ATRN: variants seen among roughly 807,000 people sequenced by gnomAD.
ATRN encodes attractin-2.
In ATRN, 54 loss-of-function variants were observed where a neutral mutation model predicts 178.7. The observed-to-expected ratio is 0.30, with a 90% CI of 0.24 to 0.38. The LOEUF is 0.38. Ranked by LOEUF, ATRN falls within the 10% of genes least tolerant of loss-of-function variation. The pLI is 1.00. For synonymous variants in ATRN, 636 were observed against 663.0 expected, an observed-to-expected ratio of 0.96 and a Z score of 0.63; for missense variants, 1,443 against 1,815.1, an observed-to-expected ratio of 0.79 and a Z score of 3.73.
In ATRN at chr20:3,489,785, T is replaced by A. The variant is rs941646492; in HGVS notation, c.410+18268T>A. On this transcript the variant is annotated intron_variant, in intron 1 of 28. Transcript: ENST00000262919. ...AGTGTCACTGGAAGGCTTTGCGCCC[T>A]TGGTAGGTGTAGTTTCCACAAATCT... The A allele has an allele frequency of 3.0e-6, 4 of 1,320,148 alleles. No homozygotes were observed. The African/African-American group carries it at 4.3e-5, about 14-fold the overall frequency. 81.8% of individuals were successfully genotyped at this position (1,320,148 alleles called of 1,614,324 possible). A position where few individuals can be genotyped will look rare whatever the true frequency, so the allele number is the denominator to read the frequency against.
chr20:3,584,078 G>GCC lies in ATRN; in HGVS notation c.2949_2950dup (p.Glu985LeufsTer34), dbSNP rs1486777011. Reference sequence around the variant, plus strand: ...ATGGAATGGTATACGATGAGCACCTGCCCCCGTAAGTGAAAAAGGGAGCCC... The same window carrying GCC: ...ATGGAATGGTATACGATGAGCACCTGCCCCCCCGTAAGTGAAAAAGGGAGCCC... On this transcript the variant is annotated frameshift_variant, in exon 17 of 29. Coordinates refer to ENST00000262919, the MANE Select transcript of ATRN (RefSeq NM_139321.3). LOFTEE classifies it high-confidence loss of function. 6.2e-7 allele frequency: 1 copy of GCC among 1,613,276 alleles called. No homozygotes were observed. The highest frequency in any genetic ancestry group is 8.5e-7 in the Non-Finnish European group (1 of 1,179,496).
intron 23 of ATRN, among the ~76,000 whole-genome samples, chr20:3,601,416 G>T (rs185729914): frequency 5.3e-5 from 8 of 152,006 alleles, no homozygotes; most frequent in African/African-American, 1.9e-4. Flanking sequence ...CAAATGATTC[G>T]TTTCAATAAA....
intron 27 of ATRN, among the ~76,000 whole-genome samples, chr20:3,641,975 A>G (rs2087072665): frequency 1.3e-5 from 2 of 152,234 alleles, no homozygotes; most frequent in African/African-American, 4.8e-5. Context: ...TTTGTGGGTT[A>G]AAAAATAGAC....
chr20:3,478,672 C>A (rs2084567404), intron 1 of ATRN, among the ~76,000 whole-genome samples: 1 of 152,134 alleles, frequency 6.6e-6, no homozygotes, highest in Non-Finnish European at 1.5e-5. Context: ...TATCCCAGAA[C>A]TTAAAGTGTA....
At chr20:3,610,102 T>G (rs1303551009) in intron 24 of ATRN, among the ~76,000 whole-genome samples, 1 of 152,200 alleles carries the variant, frequency 6.6e-6, no homozygotes, top group Non-Finnish European at 1.5e-5. Flanking sequence ...TTAAAAATGG[T>G]TAAAGTGATT....
At chr20:3,552,770 A>G (rs192923601) in intron 6 of ATRN, among the ~76,000 whole-genome samples, 2 of 152,170 alleles carry the variant, frequency 1.3e-5, no homozygotes, top group African/African-American at 2.4e-5. Context: ...TCTGCTGGCT[A>G]TTGACTTGAG....
At chr20:3,622,361 C>G (rs1215976501) in intron 24 of ATRN, among the ~76,000 whole-genome samples, 1 of 152,250 alleles carries the variant, frequency 6.6e-6, no homozygotes, top group Non-Finnish European at 1.5e-5. Context: ...TTTGTGCGAG[C>G]AGTTCTCCAA....
chr20:3,614,080 G>A (rs995375792), intron 24 of ATRN, among the ~76,000 whole-genome samples: 7 of 152,178 alleles, frequency 4.6e-5, no homozygotes, highest in Admixed American at 3.9e-4. Context: ...AAAAATCTTT[G>A]TAGATGCAGC....
chr20:3,604,373 C>G, intron 24 of ATRN, 111 bp downstream of exon 24: 1 of 1,284,350 alleles, frequency 7.8e-7, no homozygotes. Flanking sequence ...TGTGGCTTTG[C>G]CTTTGTAACG....
At position 3,579,314 on chromosome 20, in the gene ATRN, C is replaced by T. The variant is rs543144982; in HGVS notation, c.2544+542C>T. On this transcript the variant is annotated intron_variant, in intron 15 of 28. Coordinates refer to ENST00000262919, the MANE Select transcript of ATRN (RefSeq NM_139321.3). ...CAGCCTGACCAATATAGTAAAACCC[C>T]GTCTCTACTAAAAATACAAAAATTA... 5.9e-5 allele frequency among the ~76,000 whole-genome samples: 9 copies of T among 152,036 alleles called. No homozygotes were observed. In the East Asian group the frequency reaches 7.8e-4, roughly 13 times the overall value.
chr20:3,555,295 G>A (rs1328155482), intron 6 of ATRN, among the ~76,000 whole-genome samples: 4 of 151,762 alleles, frequency 2.6e-5, no homozygotes, highest in Admixed American at 6.6e-5. Flanking sequence ...GAGCCACCGC[G>A]CCCGGCCGAC....
chr20:3,574,215 A>G (rs909018417), intron 12 of ATRN, among the ~76,000 whole-genome samples: 1 of 152,190 alleles, frequency 6.6e-6, no homozygotes, highest in South Asian at 2.1e-4. Flanking sequence ...ATAAATTCTC[A>G]GTAAGAACAC....
chr20:3,513,099 G>A (rs2085158953), intron 1 of ATRN, among the ~76,000 whole-genome samples: 1 of 152,124 alleles, frequency 6.6e-6, no homozygotes, highest in African/African-American at 2.4e-5. Context: ...CTGTGCAGAA[G>A]CTCTTTAGTT....
At chr20:3,505,375 T>TTC (rs2085028562) in intron 1 of ATRN, among the ~76,000 whole-genome samples, 1 of 152,210 alleles carries the variant, frequency 6.6e-6, no homozygotes, top group African/African-American at 2.4e-5. Flanking sequence ...GCTCCCTTGG[T>TTC]TCTCAGGCTT....
intron 1 of ATRN, among the ~76,000 whole-genome samples, chr20:3,488,749 G>T (rs535781604): frequency 3.3e-5 from 5 of 152,178 alleles, no homozygotes; most frequent in Admixed American, 6.5e-5. Context: ...TTGACAAGAA[G>T]AATATCTTGA....
intron 6 of ATRN, among the ~76,000 whole-genome samples, chr20:3,556,647 G>C (rs1238819315): frequency 6.6e-6 from 1 of 152,148 alleles, no homozygotes; most frequent in East Asian, 1.9e-4. Context: ...TTAGGTCTTA[G>C]AATTAGTTGT....
At chr20:3,557,362 C>T (rs1373456184) in intron 6 of ATRN, among the ~76,000 whole-genome samples, 1 of 152,144 alleles carries the variant, frequency 6.6e-6, no homozygotes, top group East Asian at 1.9e-4. Flanking sequence ...TCCGTAGCAA[C>T]ATTTTCAGTA....
rs2087104571 is a variant in ATRN, at chr20:3,645,925, T to C, written c.4166-798T>C. On this transcript the variant is annotated intron_variant, in intron 28 of 28. Transcript: ENST00000262919. This position sits in a 1 kb window ranked among gnomAD's most constrained non-coding sequence, Gnocchi z 4.7. ...CCCTAATGGATGTCAGATTACTCCG[T>C]TATCAATACAGGAAGGAAAATGGGA... Among the ~76,000 whole-genome samples, 1 of 152,154 alleles carries C rather than the reference T, an allele frequency of 6.6e-6. No homozygotes were observed. Among genetic ancestry groups the C allele is most frequent in the South Asian group, 2.1e-4 (1 of 4,822 alleles).
At chr20:3,485,349 T>C (rs1286988623) in intron 1 of ATRN, among the ~76,000 whole-genome samples, 1 of 152,146 alleles carries the variant, frequency 6.6e-6, no homozygotes, top group Admixed American at 6.6e-5. Context: ...GTTCATGTTG[T>C]TGAATATTAT....
Sources: allele counts gnomAD v4.1 joint callset (sites outside exome capture counted in the v4.1 genomes callset), GRCh38; gene constraint gnomAD v4.1.1; non-coding constraint Gnocchi (gnomAD v3.1); transcripts MANE v1.5; gene names NCBI Gene and HGNC (gene_info 2026-07-23, HGNC 2026-07-21).